Variants in ENOX1 observed in about 807,000 individuals in gnomAD.
ENOX1 encodes the protein ecto-NOX disulfide-thiol exchanger 1.
ENOX1 carries 42 observed loss-of-function variants against 82.5 expected under a neutral mutation model. The observed-to-expected ratio is 0.51, with a 90% CI of 0.40 to 0.66. The LOEUF (loss-of-function observed/expected upper bound fraction) is 0.66. ENOX1 is among the 30% of genes least tolerant of loss of function. ENOX1 has a pLI of 0.00. For synonymous variants in ENOX1, 271 were observed against 282.2 expected (o/e 0.96, Z 0.40); for missense variants, 608 against 811.6 (o/e 0.75, Z 3.05).
chr13:43,345,704 A>G (rs1341453571), intron 8 of ENOX1, among the ~76,000 whole-genome samples: 1 of 152,202 alleles, frequency 6.6e-6, no homozygotes, highest in East Asian at 1.9e-4. Flanking sequence ...CTCATTGCCT[A>G]CTTTCCAGGC....
At chr13:43,760,876 A>C (rs1398681347) in intron 1 of ENOX1, among the ~76,000 whole-genome samples, 1 of 147,636 alleles carries the variant, frequency 6.8e-6, no homozygotes, top group African/African-American at 2.6e-5. Flanking sequence ...AAAAAAAAAA[A>C]CAAGCAAACA....
chr13:43,552,146 A>T (rs2079224816), intron 2 of ENOX1, among the ~76,000 whole-genome samples: 1 of 152,126 alleles, frequency 6.6e-6, no homozygotes, highest in African/African-American at 2.4e-5. Flanking sequence ...AAAATGCTTG[A>T]AAATAAAACA....
intron 14 of ENOX1, among the ~76,000 whole-genome samples, chr13:43,254,093 A>G (rs966228252): frequency 6.6e-6 from 1 of 152,176 alleles, no homozygotes. Context: ...GTTAGAACTC[A>G]TTTTGTTAAA....
chr13:43,215,997 C>G (rs1446948337), intron 16 of ENOX1, among the ~76,000 whole-genome samples: 1 of 152,120 alleles, frequency 6.6e-6, no homozygotes, highest in Non-Finnish European at 1.5e-5. Context: ...GAGATCGAGG[C>G]CATCTTGGCT....
intron 11 of ENOX1, among the ~76,000 whole-genome samples, chr13:43,303,347 T>A (rs745601383): frequency 6.6e-6 from 1 of 152,250 alleles, no homozygotes; most frequent in Non-Finnish European, 1.5e-5. Context: ...CCAGCTTCTA[T>A]CTGCTTCTCT....
chr13:43,303,797 C>T (rs868550588), intron 11 of ENOX1, among the ~76,000 whole-genome samples: 1 of 152,104 alleles, frequency 6.6e-6, no homozygotes, highest in Non-Finnish European at 1.5e-5. Flanking sequence ...CTTTTCTGGG[C>T]CCTACCCTCA....
intron 12 of ENOX1, among the ~76,000 whole-genome samples, chr13:43,273,679 A>C (rs1158776269): frequency 6.6e-6 from 1 of 152,096 alleles, no homozygotes; most frequent in Non-Finnish European, 1.5e-5. Flanking sequence ...TTTCATTCCC[A>C]CTTACCCCTT....
intron 14 of ENOX1, among the ~76,000 whole-genome samples, chr13:43,262,154 C>T (rs1318030763): frequency 6.6e-6 from 1 of 151,896 alleles, no homozygotes; most frequent in Non-Finnish European, 1.5e-5. Context: ...CTGGAAAAAA[C>T]TAAAATAAAG....
At chr13:43,467,627 A>G (rs2057793424) in intron 3 of ENOX1, among the ~76,000 whole-genome samples, 2 of 152,024 alleles carry the variant, frequency 1.3e-5, no homozygotes, top group East Asian at 1.9e-4. Context: ...CTTTCTTGCT[A>G]GTGTCCTTTG....
intron 1 of ENOX1, among the ~76,000 whole-genome samples, chr13:43,780,109 C>T (rs1351385940): frequency 3.3e-5 from 5 of 149,922 alleles, no homozygotes; most frequent in Non-Finnish European, 5.9e-5. Context: ...TGCAGTGAGC[C>T]GAGATGGTGC....
intron 2 of ENOX1, among the ~76,000 whole-genome samples, chr13:43,539,584 AG>A (rs1169541455): frequency 6.6e-6 from 1 of 152,202 alleles, no homozygotes; most frequent in Non-Finnish European, 1.5e-5. Flanking sequence ...AAATAATTTT[AG>A]ATTTGCTTTT....
chr13:43,268,752 C>G (rs574416029), intron 13 of ENOX1, among the ~76,000 whole-genome samples: 1 of 152,158 alleles, frequency 6.6e-6, no homozygotes, highest in African/African-American at 2.4e-5. Context: ...CTGTATGCAA[C>G]TTTTTCCTTC....
intron 12 of ENOX1, among the ~76,000 whole-genome samples, chr13:43,281,195 G>A (rs938134526): frequency 6.7e-6 from 1 of 149,570 alleles, no homozygotes; most frequent in African/African-American, 2.4e-5. Flanking sequence ...TCTCTGTAAG[G>A]AAAAATAATA....
chr13:43,360,391 C>T (rs1053070240), intron 6 of ENOX1, among the ~76,000 whole-genome samples: 5 of 152,054 alleles, frequency 3.3e-5, no homozygotes, highest in South Asian at 2.1e-4. Context: ...CAAAACATGA[C>T]GAAATGACAA....
intron 2 of ENOX1, among the ~76,000 whole-genome samples, chr13:43,625,845 C>T (rs2082940354): frequency 6.6e-6 from 1 of 151,848 alleles, no homozygotes. Context: ...CAAGGAAATA[C>T]TAGCTTAATA....
At position 43,297,424 on chromosome 13, in the gene ENOX1, C is replaced by CT. The variant is rs142123582; in HGVS notation, c.1446+921dup. 3.7e-3 allele frequency among the ~76,000 whole-genome samples: 557 copies of CT among 149,212 alleles called. 4 individuals are homozygous for CT. Among genetic ancestry groups the CT allele is most frequent in the African/African-American group, 0.011 (455 of 40,556 alleles). ...TTTCCCTTGTTTAAATAAAAACAAT[C>CT]TTTTTTTTTTCAGAAAATATTGATT... On this transcript the variant is annotated intron_variant, in intron 12 of 16. Coordinates refer to ENST00000690772, the MANE Select transcript of ENOX1 (RefSeq NM_001347969.2).
intron 2 of ENOX1, among the ~76,000 whole-genome samples, chr13:43,591,626 T>TAACAAAAGATGAA: frequency 6.6e-6 from 1 of 151,834 alleles, no homozygotes; most frequent in African/African-American, 2.4e-5. Flanking sequence ...ATAATGTAAG[T>TAACAAAAGATGAA]ACCTGTTACA....
intron 5 of ENOX1, among the ~76,000 whole-genome samples, chr13:43,399,674 G>T (rs1459315807): frequency 6.6e-6 from 1 of 152,190 alleles, no homozygotes; most frequent in African/African-American, 2.4e-5. Flanking sequence ...ACTCAGAGAA[G>T]TTAACTAACT....
chr13:43,706,272 A>G (rs151328647), intron 1 of ENOX1, among the ~76,000 whole-genome samples: 1 of 152,174 alleles, frequency 6.6e-6, no homozygotes, highest in East Asian at 1.9e-4. Context: ...GTAATTAGAA[A>G]GGAGGAAGCA....
Sources: gnomAD v4.1 joint callset for allele counts (sites outside exome capture counted in the v4.1 genomes callset) on GRCh38, gnomAD v4.1.1 for gene constraint, MANE v1.5 for transcripts, NCBI Gene and HGNC (gene_info 2026-07-23, HGNC 2026-07-21) for gene names.